Variants in TENM4 observed in about 807,000 individuals in gnomAD.
The protein encoded by TENM4 is teneurin-4.
Under a neutral mutation model 243.3 loss-of-function variants are expected in TENM4, and 82 were observed. That is an observed-to-expected ratio of 0.34 (90% CI 0.28 to 0.40). The LOEUF (loss-of-function observed/expected upper bound fraction) is 0.40. TENM4 is among the 10% of genes least tolerant of loss of function. TENM4 has a pLI of 1.00. For missense variants in TENM4, 3,138 were observed against 3,673.3 expected (o/e 0.85, Z 3.77); for synonymous variants, 1,412 against 1,456.3 (o/e 0.97, Z 0.69).
intron 9 of TENM4, 68 bp downstream of exon 9, chr11:78,889,717 C>T: frequency 6.7e-7 from 1 of 1,486,746 alleles, no homozygotes; most frequent in Non-Finnish European, 9.1e-7. Context: ...TCAGTGCCCA[C>T]ACGTGTCTTG....
At position 78,669,088 on chromosome 11, in the gene TENM4, T is replaced by G; in HGVS notation, c.7257A>C (p.Arg2419=). 6.2e-7 allele frequency: 1 copy of G among 1,613,846 alleles called. No homozygotes were observed. Among genetic ancestry groups the G allele is most frequent in the African/African-American group, 1.3e-5 (1 of 74,994 alleles). The change falls in exon 32 of 34, where the codon CGA becomes CGC. Residue 2419 remains arginine, a synonymous_variant. Transcript: ENST00000278550. This position sits in a 1 kb window ranked among gnomAD's most constrained non-coding sequence, Gnocchi z 6.4. ...AGCGTCCGGCCAGCACATCATAATC[T>G]CGCCGGCCCATGTGGACAAGCTTGG... The part of the protein sequence containing the change: ...PLTKLVHMGR[R]DYDVLAGRWT...
intron 12 of TENM4, among the ~76,000 whole-genome samples, chr11:78,822,026 T>A (rs1857744073): frequency 6.6e-6 from 1 of 152,210 alleles, no homozygotes; most frequent in Non-Finnish European, 1.5e-5. Flanking sequence ...AGGTAATGAA[T>A]GTTTGTTAGC....
Position 78,854,213 on chromosome 11 carries a change from G to A in TENM4, c.1572C>T (p.Ser524=). 6.4e-7 allele frequency: 1 copy of A among 1,551,616 alleles called. No individual in the cohort carries two copies. Among genetic ancestry groups the A allele is most frequent in the Admixed American group, 2.0e-5 (1 of 51,000 alleles). Residue 524 remains serine (S), a synonymous_variant, in exon 12 of 34, where the codon TCC becomes TCT. Coordinates refer to ENST00000278550, the MANE Select transcript of TENM4 (RefSeq NM_001098816.3). ...ACTGGATGAAGCCTGTCTCATGGCT[G>A]GAGGGGGGCACAGTTCCCCGAGACT... is the stretch of plus-strand genomic sequence containing the variant. ...PRQSRGTVPP[S]SHETGFIQYL...
At position 79,059,865 on chromosome 11, in the gene TENM4, A is replaced by G. The variant is rs77327706; in HGVS notation, c.493+4873T>C. ...TCTCAGAGCTTAGACTGGGGCAACCAGGACTTGAGGCCAGGTCTCCACATT... is the reference window on the plus strand; with the variant it reads ...TCTCAGAGCTTAGACTGGGGCAACCGGGACTTGAGGCCAGGTCTCCACATT... On this transcript the variant is annotated intron_variant, in intron 6 of 33. Coordinates refer to ENST00000278550, the MANE Select transcript of TENM4 (RefSeq NM_001098816.3). Among the ~76,000 whole-genome samples the G allele has an allele frequency of 9.5e-3, 1,450 of 152,324 alleles. 25 individuals are homozygous for G. The highest frequency in any genetic ancestry group is 0.032 in the African/African-American group (1,350 of 41,570).
chr11:78,945,207 C>A (rs996431733), intron 6 of TENM4, among the ~76,000 whole-genome samples: 1 of 152,262 alleles, frequency 6.6e-6, no homozygotes, highest in African/African-American at 2.4e-5. Flanking sequence ...CTGAGTCAAG[C>A]AAGCCCATTG....
intron 14 of TENM4, among the ~76,000 whole-genome samples, chr11:78,809,619 T>A (rs1423680490): frequency 6.6e-6 from 1 of 152,058 alleles, no homozygotes; most frequent in Non-Finnish European, 1.5e-5. Flanking sequence ...GTGTGTAAAG[T>A]GGGGAGAAGC....
chr11:78,730,380 A>C (rs530507914), intron 21 of TENM4, among the ~76,000 whole-genome samples: 50 of 152,308 alleles, frequency 3.3e-4, no homozygotes, highest in African/African-American at 1.1e-3. Flanking sequence ...TGACCAAACA[A>C]ATAATTATGC....
intron 4 of TENM4, among the ~76,000 whole-genome samples, chr11:79,131,429 A>G (rs563954485): frequency 5.3e-5 from 8 of 152,320 alleles, no homozygotes; most frequent in African/African-American, 1.9e-4. Context: ...CAGCAAAACT[A>G]AGCATCATAT....
At chr11:79,290,154 T>C (rs1285062232) in intron 2 of TENM4, among the ~76,000 whole-genome samples, 1 of 152,184 alleles carries the variant, frequency 6.6e-6, no homozygotes, top group South Asian at 2.1e-4. Flanking sequence ...GTTGGCTCTA[T>C]TCCTCTCATT....
intron 1 of TENM4, among the ~76,000 whole-genome samples, chr11:79,432,086 T>C (rs1373624851): frequency 6.6e-6 from 1 of 152,248 alleles, no homozygotes; most frequent in Non-Finnish European, 1.5e-5. Context: ...TAATTAAATT[T>C]AGTTTAAAAT....
At chr11:79,114,945 T>C (rs1008832192) in intron 4 of TENM4, among the ~76,000 whole-genome samples, 2 of 152,208 alleles carry the variant, frequency 1.3e-5, no homozygotes, top group Non-Finnish European at 2.9e-5. Context: ...ATTAAGCATC[T>C]TGAGCACTCT....
At chr11:79,096,368 A>G (rs1861075269) in intron 4 of TENM4, 1 of 152,268 alleles carries the variant, frequency 6.6e-6, no homozygotes, top group Admixed American at 6.5e-5. Flanking sequence ...ATACATTAGG[A>G]TGATGTACTG....
intron 1 of TENM4, among the ~76,000 whole-genome samples, chr11:79,417,277 T>C (rs573215846): frequency 6.6e-6 from 1 of 152,302 alleles, no homozygotes; most frequent in East Asian, 1.9e-4. Flanking sequence ...GGCAAGGCAG[T>C]GTAGTGCAAG....
chr11:78,740,114 G>C lies in TENM4; in HGVS notation c.2757-1544C>G, dbSNP rs560665384. 9.2e-5 allele frequency among the ~76,000 whole-genome samples: 14 copies of C among 152,334 alleles called. No homozygotes were observed. The South Asian group carries it at 1.0e-3, about 11-fold the overall frequency. ...TTCTCTATTCACCTCAGGTGAGAAGGCTTTTTCTTCTGGCCTAGGGAAGAG... is the reference window on the plus strand; with the variant it reads ...TTCTCTATTCACCTCAGGTGAGAAGCCTTTTTCTTCTGGCCTAGGGAAGAG... On this transcript the variant is annotated intron_variant, in intron 19 of 33. Coordinates refer to ENST00000278550, the MANE Select transcript of TENM4 (RefSeq NM_001098816.3).
At chr11:78,869,646 A>G (rs1357829490) in intron 9 of TENM4, among the ~76,000 whole-genome samples, 1 of 152,118 alleles carries the variant, frequency 6.6e-6, no homozygotes, top group Non-Finnish European at 1.5e-5. Context: ...AAGAAACTGG[A>G]GGCTCAGAAA....
intron 4 of TENM4, among the ~76,000 whole-genome samples, chr11:79,111,833 G>T (rs1341573925): frequency 2.6e-5 from 4 of 152,270 alleles, no homozygotes. Context: ...GGAGGTGGGA[G>T]GGGGGTGGTC....
intron 1 of TENM4, among the ~76,000 whole-genome samples, chr11:79,410,465 A>G (rs1466520674): frequency 6.6e-6 from 1 of 152,156 alleles, no homozygotes; most frequent in Non-Finnish European, 1.5e-5. Flanking sequence ...GGGGCTCAAT[A>G]CATATTAACT....
chr11:78,910,278 C>G (rs1485609995), intron 6 of TENM4, among the ~76,000 whole-genome samples: 1 of 152,096 alleles, frequency 6.6e-6, no homozygotes, highest in Non-Finnish European at 1.5e-5. Context: ...TTAATTGGGT[C>G]CTAAAGATTG....
Position 78,701,656 on chromosome 11 carries a change from T to C in TENM4, c.4957A>G (p.Thr1653Ala). 1.2e-6 allele frequency: 2 copies of C among 1,613,998 alleles called. No individual in the cohort carries two copies. Among genetic ancestry groups the C allele is most frequent in the African/African-American group, 1.3e-5 (1 of 75,060 alleles). Residue 1653 changes from threonine (T) to alanine (A), a missense_variant, in exon 28 of 34, where the codon ACC becomes GCC. Physicochemically the swap from Thr to Ala is moderately conservative, Grantham distance 58 (BLOSUM62 0). Transcript: ENST00000278550. Reference protein sequence around the residue: ...VVPDGQVYWVTMGTNSALKSV... With the variant: ...VVPDGQVYWVAMGTNSALKSV... ...TTGAGTGCACTGTTGGTGCCCATGGTCACCCAGTACACCTGGCCATCTGGG... is the reference window on the plus strand; with the variant it reads ...TTGAGTGCACTGTTGGTGCCCATGGCCACCCAGTACACCTGGCCATCTGGG...
Sources: gnomAD v4.1 joint callset for allele counts (sites outside exome capture counted in the v4.1 genomes callset) on GRCh38, gnomAD v4.1.1 for gene constraint, Gnocchi (gnomAD v3.1) non-coding constraint, MANE v1.5 for transcripts, NCBI Gene and HGNC (gene_info 2026-07-23, HGNC 2026-07-21) for gene names.